Variants in ZFHX3 observed in about 807,000 individuals in gnomAD.
The protein encoded by ZFHX3 is zinc finger homeobox 3, also known as zinc finger homeobox protein 3.
ZFHX3 carries 42 observed loss-of-function variants against 279.1 expected under a neutral mutation model. The observed-to-expected ratio is 0.15, with a 90% CI of 0.12 to 0.19. ZFHX3 has a LOEUF of 0.19. Ranked by LOEUF, ZFHX3 falls within the 10% of genes least tolerant of loss-of-function variation. The probability of loss-of-function intolerance (pLI) is 1.00; values close to 1 mark genes in which losing one functional copy is unlikely to be tolerated. For synonymous variants in ZFHX3, 2,293 were observed against 1,957.8 expected (o/e 1.17, Z -4.52); for missense variants, 4,981 against 4,754.0 (o/e 1.05, Z -1.40).
chr16:73,540,456 T>C (rs112584044), intron 2 of ZFHX3, among the ~76,000 whole-genome samples: 233 of 152,312 alleles, frequency 1.5e-3, no homozygotes, highest in African/African-American at 5.4e-3. Context: ...TTTAGTCGCA[T>C]CAAAATCTCC....
chr16:73,681,442 T>G (rs932045328), intron 1 of ZFHX3, among the ~76,000 whole-genome samples: 3 of 152,212 alleles, frequency 2.0e-5, no homozygotes, highest in Non-Finnish European at 2.9e-5. Context: ...ATCGGAAACA[T>G]GGGAAGATTA....
chr16:72,844,542 G>A (rs966466471), intron 4 of ZFHX3, among the ~76,000 whole-genome samples: 5 of 151,924 alleles, frequency 3.3e-5, no homozygotes, highest in African/African-American at 7.2e-5. Context: ...GTATTTTAAG[G>A]CCCAAAACAC....
At chr16:72,819,438 TC>T (rs1348398137) in intron 5 of ZFHX3, among the ~76,000 whole-genome samples, 1 of 152,144 alleles carries the variant, frequency 6.6e-6, no homozygotes, top group Non-Finnish European at 1.5e-5. Flanking sequence ...TGTGTCAGAC[TC>T]CCGGGCAGGG....
chr16:73,231,748 G>T (rs1488933864), intron 5 of ZFHX3, among the ~76,000 whole-genome samples: 1 of 152,202 alleles, frequency 6.6e-6, no homozygotes, highest in Non-Finnish European at 1.5e-5. Context: ...TTCAGTTCTC[G>T]TTAAATTCCA....
At chr16:73,352,025 T>C (rs762394558) in intron 3 of ZFHX3, among the ~76,000 whole-genome samples, 1 of 152,264 alleles carries the variant, frequency 6.6e-6, no homozygotes, top group Non-Finnish European at 1.5e-5. Context: ...TCTCCCTGGA[T>C]GCAGGAATAG....
intron 7 of ZFHX3, chr16:73,126,893 G>T (rs1966578880): frequency 6.4e-6 from 1 of 155,090 alleles, no homozygotes; most frequent in South Asian, 2.0e-4. Context: ...AGGGATGGAT[G>T]GCCGACACAT....
chr16:73,011,978 C>T (rs779920551), intron 1 of ZFHX3, among the ~76,000 whole-genome samples: 16 of 152,268 alleles, frequency 1.1e-4, no homozygotes, highest in Non-Finnish European at 2.1e-4. Flanking sequence ...GAAGCCTCTT[C>T]TGCCACCACT....
At chr16:73,597,537 G>A (rs868636906) in intron 2 of ZFHX3, among the ~76,000 whole-genome samples, 1 of 152,302 alleles carries the variant, frequency 6.6e-6, no homozygotes, top group East Asian at 1.9e-4. Flanking sequence ...TATGGGATAA[G>A]GGTTGGCCCT....
At chr16:73,753,810 C>T (rs2053781901) in intron 1 of ZFHX3, among the ~76,000 whole-genome samples, 1 of 151,866 alleles carries the variant, frequency 6.6e-6, no homozygotes, top group Admixed American at 6.6e-5. Flanking sequence ...GAAAAACTCA[C>T]AAAACAAGGT....
intron 1 of ZFHX3, among the ~76,000 whole-genome samples, chr16:73,887,985 T>G (rs976525987): frequency 2.0e-5 from 3 of 152,188 alleles, no homozygotes; most frequent in African/African-American, 7.2e-5. Context: ...AACGGTTTAT[T>G]ATTCACAAGT....
At chr16:72,874,368 G>C (rs2038251473) in intron 4 of ZFHX3, among the ~76,000 whole-genome samples, 2 of 151,790 alleles carry the variant, frequency 1.3e-5, no homozygotes, top group Admixed American at 1.3e-4. Flanking sequence ...CACCACACCA[G>C]GCTAATTTTT....
intron 3 of ZFHX3, among the ~76,000 whole-genome samples, chr16:72,912,426 G>A (rs886286228): frequency 6.6e-6 from 1 of 152,300 alleles, no homozygotes; most frequent in Non-Finnish European, 1.5e-5. Flanking sequence ...CTGGCCAAAC[G>A]CTGCTCTTAA....
At chr16:72,789,424 T>C (rs2035603364) in intron 9 of ZFHX3, 1 of 152,306 alleles carries the variant, frequency 6.6e-6, no homozygotes, top group Non-Finnish European at 1.5e-5. Flanking sequence ...TGGGGCCCAT[T>C]TGCACCAAAG....
chr16:72,789,843 T>C (rs531588429), intron 9 of ZFHX3: 1 of 152,284 alleles, frequency 6.6e-6, no homozygotes, highest in East Asian at 1.9e-4. Context: ...GGAGGGCCAG[T>C]GGGACTGTAG....
chr16:73,421,288 A>C (rs936480384), intron 3 of ZFHX3: 1 of 152,234 alleles, frequency 6.6e-6, no homozygotes, highest in Admixed American at 6.5e-5. Flanking sequence ...TTTTCTCTAC[A>C]AATTGGTATT....
intron 1 of ZFHX3, among the ~76,000 whole-genome samples, chr16:73,850,312 T>C (rs1961562669): frequency 1.3e-5 from 2 of 152,198 alleles, no homozygotes; most frequent in Non-Finnish European, 1.5e-5. Flanking sequence ...AGAGATAATA[T>C]ATGTAAACTG....
intron 2 of ZFHX3, among the ~76,000 whole-genome samples, chr16:73,478,403 G>C (rs140026311): frequency 6.6e-6 from 1 of 151,950 alleles, no homozygotes; most frequent in Non-Finnish European, 1.5e-5. Flanking sequence ...TTCCCTGCTA[G>C]TTTATTTTAA....
chr16:73,347,262 G>T (rs1355321991), intron 3 of ZFHX3, among the ~76,000 whole-genome samples: 1 of 152,164 alleles, frequency 6.6e-6, no homozygotes, highest in Non-Finnish European at 1.5e-5. Flanking sequence ...CCTTTTACTG[G>T]GAGTATCCTC....
chr16:72,957,094 T>C (rs1961285982), intron 2 of ZFHX3, among the ~76,000 whole-genome samples: 1 of 152,054 alleles, frequency 6.6e-6, no homozygotes, highest in Admixed American at 6.5e-5. Flanking sequence ...AACCCCAAAG[T>C]TTTAGGTGAT....
Sources: allele counts gnomAD v4.1 joint callset (sites outside exome capture counted in the v4.1 genomes callset), GRCh38; gene constraint gnomAD v4.1.1; transcripts MANE v1.5; gene names NCBI Gene and HGNC (gene_info 2026-07-23, HGNC 2026-07-21).